The following RP1 variants were observed in gnomAD, a reference collection of about 807,000 sequenced individuals.
RP1 encodes RP1 axonemal microtubule associated, also known as oxygen-regulated protein 1.
In RP1, 16 loss-of-function variants were observed where a neutral mutation model predicts 14.8. The observed-to-expected ratio is 1.08, with a 90% confidence interval of 0.73 to 1.65. The LOEUF (loss-of-function observed/expected upper bound fraction) is 1.65. Ranked by LOEUF, RP1 falls within the 40% of genes most tolerant of loss-of-function variation. The probability of loss-of-function intolerance (pLI) is 0.00; values close to 1 mark genes in which losing one functional copy is unlikely to be tolerated. For synonymous variants in RP1, 876 were observed against 883.6 expected, an observed-to-expected ratio of 0.99 and a Z score of 0.15; for missense variants, 2,631 against 2,535.0, an observed-to-expected ratio of 1.04 and a Z score of -0.81.
chr8:54,757,423 G>A (rs1404032536), intron 21 of RP1, among the ~76,000 whole-genome samples: 3 of 152,214 alleles, frequency 2.0e-5, no homozygotes, highest in African/African-American at 7.2e-5. Context: ...AAAGCCAACT[G>A]AGAGACAAAG....
At chr8:54,798,994 C>CT (rs1242488907) in intron 24 of RP1, among the ~76,000 whole-genome samples, 1 of 151,682 alleles carries the variant, frequency 6.6e-6, no homozygotes, top group African/African-American at 2.4e-5. Flanking sequence ...TTATATTCAG[C>CT]TTTTTTGGAT....
At chr8:54,664,626 T>C (rs2129330136) in intron 7 of RP1, among the ~76,000 whole-genome samples, 1 of 152,316 alleles carries the variant, frequency 6.6e-6, no homozygotes, top group African/African-American at 2.4e-5. Context: ...TGTACATTTC[T>C]TTATTTATTA....
intron 19 of RP1, among the ~76,000 whole-genome samples, chr8:54,743,892 G>T (rs1469848960): frequency 6.6e-6 from 1 of 152,114 alleles, no homozygotes; most frequent in Non-Finnish European, 1.5e-5. Context: ...CCATGCTTCT[G>T]CTTTCCCAAG....
At chr8:54,830,123 G>A (rs142804145) in intron 24 of RP1, among the ~76,000 whole-genome samples, 1 of 152,128 alleles carries the variant, frequency 6.6e-6, no homozygotes, top group African/African-American at 2.4e-5. Flanking sequence ...ATTGAGAGAA[G>A]ATGTTAAAAT....
rs1806036165 is a variant in RP1 at position 54,626,061 on chromosome 8, T to C, written c.2179T>C (p.Cys727Arg). 6.2e-7 allele frequency: 1 copy of C among 1,613,606 alleles called. No individual in the cohort carries two copies. Among genetic ancestry groups the C allele is most frequent in the Non-Finnish European group, 8.5e-7 (1 of 1,179,782 alleles). ...TAGTCCCCTTAAAGGAGGGATACTT[T>C]GTGAGGAAGACCTCCAGAAAAGTGA... ...SDSPLKGGIL[C>R]EEDLQKSDTV... Residue 727 changes from cysteine (C) to arginine (R), a missense_variant, in exon 4 of 4, where the codon TGT (cysteine) becomes CGT (arginine). Coordinates refer to ENST00000220676, the MANE Select transcript of RP1 (RefSeq NM_006269.2).
intron 1 of RP1, among the ~76,000 whole-genome samples, chr8:54,586,143 C>G (rs961067208): frequency 6.6e-6 from 1 of 152,122 alleles, no homozygotes; most frequent in African/African-American, 2.4e-5. Context: ...TACCTTGGGT[C>G]TTTGATGATG....
At chr8:54,657,220 GAGA>G (rs1806774483) in intron 6 of RP1, among the ~76,000 whole-genome samples, 1 of 152,116 alleles carries the variant, frequency 6.6e-6, no homozygotes, top group South Asian at 2.1e-4. Context: ...CGTTTCACCT[GAGA>G]AGATGTTCGC....
At chr8:54,813,961 C>A (rs1811074882) in intron 24 of RP1, among the ~76,000 whole-genome samples, 1 of 152,134 alleles carries the variant, frequency 6.6e-6, no homozygotes, top group Admixed American at 6.5e-5. Flanking sequence ...GGGAGTTGAG[C>A]AAATGATATA....
At chr8:54,761,132 A>T (rs1022598524) in intron 22 of RP1, among the ~76,000 whole-genome samples, 1 of 152,018 alleles carries the variant, frequency 6.6e-6, no homozygotes, top group Non-Finnish European at 1.5e-5. Flanking sequence ...TTTCTTTTAA[A>T]TATGAAATCT....
At chr8:54,705,486 G>T (rs558023859) in intron 14 of RP1, among the ~76,000 whole-genome samples, 1 of 152,132 alleles carries the variant, frequency 6.6e-6, no homozygotes, top group African/African-American at 2.4e-5. Context: ...AGTCCATGTG[G>T]CTGGTCTCAG....
chr8:54,772,722 A>G (rs1037061418), downstream of RP1, among the ~76,000 whole-genome samples: 6 of 152,188 alleles, frequency 3.9e-5, no homozygotes, highest in African/African-American at 1.2e-4. Flanking sequence ...AAGTGGTTCA[A>G]CTTCAGGGAT....
intron 1 of RP1, among the ~76,000 whole-genome samples, chr8:54,595,439 A>C (rs1017041597): frequency 6.6e-6 from 1 of 152,138 alleles, no homozygotes; most frequent in Non-Finnish European, 1.5e-5. Flanking sequence ...CCCTCCAAAC[A>C]TTTTAAACTA....
intron 12 of RP1, among the ~76,000 whole-genome samples, chr8:54,686,710 T>G (rs1227877255): frequency 2.0e-5 from 3 of 152,190 alleles, no homozygotes. Flanking sequence ...TGAAAGCTAT[T>G]CAGTTTTTAA....
intron 18 of RP1, among the ~76,000 whole-genome samples, chr8:54,738,625 C>G (rs1219271605): frequency 1.3e-5 from 2 of 151,882 alleles, no homozygotes; most frequent in Non-Finnish European, 2.9e-5. Flanking sequence ...CATTGGAACT[C>G]AGAAAGTGTT....
chr8:54,584,289 G>A lies in RP1; in HGVS notation c.-13+24969G>A, dbSNP rs190226640. On this transcript the variant is annotated intron_variant, in intron 1 of 22. Coordinates refer to the RP1 transcript ENST00000636932. ...TAGTCATTCAGGAGCAGATTGTCCA[G>A]TTTCCATGTAGTTGAGCGGTTTTGA... Among the ~76,000 whole-genome samples the A allele has an allele frequency of 6.6e-3, 1,009 of 152,330 alleles. 6 individuals are homozygous for A. Among genetic ancestry groups the A allele is most frequent in the South Asian group, 0.016 (78 of 4,830 alleles).
chr8:54,867,519 ATGT>A (rs1812484582), intron 28 of RP1, among the ~76,000 whole-genome samples: 1 of 152,198 alleles, frequency 6.6e-6, no homozygotes, highest in South Asian at 2.1e-4. Flanking sequence ...GTTTATTCTT[ATGT>A]AAAATGGCAG....
chr8:54,694,950 G>C (rs1807819924), intron 12 of RP1, among the ~76,000 whole-genome samples: 1 of 151,774 alleles, frequency 6.6e-6, no homozygotes. Flanking sequence ...TTCTCTTGTG[G>C]GCATTTAGTG....
intron 24 of RP1, among the ~76,000 whole-genome samples, chr8:54,809,306 A>G (rs1452256028): frequency 6.6e-6 from 1 of 152,204 alleles, no homozygotes; most frequent in Non-Finnish European, 1.5e-5. Flanking sequence ...CTCTTTCTTC[A>G]TTCTGTGATG....
At chr8:54,779,706 T>C (rs1055474900) in intron 23 of RP1, among the ~76,000 whole-genome samples, 4 of 152,186 alleles carry the variant, frequency 2.6e-5, no homozygotes, top group South Asian at 2.1e-4. Flanking sequence ...TAAGAAAACA[T>C]TGGGAAGGAA....
Sources: allele counts gnomAD v4.1 joint callset (sites outside exome capture counted in the v4.1 genomes callset), GRCh38; gene constraint gnomAD v4.1.1; transcripts MANE v1.5; gene names NCBI Gene and HGNC (gene_info 2026-07-23, HGNC 2026-07-21).